Variants in RIF1 observed in about 807,000 individuals in gnomAD.
RIF1 encodes telomere-associated protein RIF1.
RIF1 carries 45 observed loss-of-function variants against 247.1 expected under a neutral mutation model. That is an observed-to-expected ratio of 0.18 (90% CI 0.14 to 0.23). The LOEUF (loss-of-function observed/expected upper bound fraction) is 0.23. Among genes scored for constraint, RIF1 ranks in the 10% least tolerant of loss-of-function variants. The pLI is 1.00. For synonymous variants in RIF1, 1,087 were observed against 978.8 expected (o/e 1.11, Z -2.06); for missense variants, 2,967 against 2,862.5 (o/e 1.04, Z -0.83).
chr2:151,525,924 G>A, the RIF1 span: 2 of 1,525,902 alleles, frequency 1.3e-6, no homozygotes, highest in East Asian at 2.2e-5. Context: ...AAGTGGCATT[G>A]TTGCTGCCAA....
chr2:151,502,720 T>C, intron 11 of RIF1: 1 of 832,350 alleles, frequency 1.2e-6, no homozygotes, highest in South Asian at 1.6e-5. Flanking sequence ...ATTTAGTAAT[T>C]TTACATTTGT....
chr2:151,496,210 T>G (rs985249204), intron 10 of RIF1: 3 of 1,424,678 alleles, frequency 2.1e-6, no homozygotes, highest in African/African-American at 1.4e-5. Context: ...TTAATATGTA[T>G]TATTTTAAAT....
chr2:151,456,626 A>G lies in RIF1; in HGVS notation c.2652+6A>G. The G allele has an allele frequency of 6.8e-7, 1 of 1,474,736 alleles. No homozygotes were observed. Among genetic ancestry groups the G allele is most frequent in the Non-Finnish European group, 9.4e-7 (1 of 1,067,122 alleles). The allele number at this position is 1,474,736 out of a possible 1,614,324, so 91.4% of individuals were successfully genotyped here. ...ATAGTTGTCTGAACAACAAGGTAAA[A>G]ATAGACAATTCTCCATAAACCATAC... On this transcript the variant is annotated splice_donor_region_variant and intron_variant, in intron 23 of 35. Transcript: ENST00000444746.
chr2:151,469,577 A>T, intron 33 of RIF1, 134 bp from the exon 34 acceptor site: 1 of 603,022 alleles, frequency 1.7e-6, no homozygotes, highest in South Asian at 4.8e-5. Flanking sequence ...TTACACATAC[A>T]TGTGCCTGTC....
rs367612410 is a variant in RIF1 at position 151,437,048 on chromosome 2, A to G, written c.1372+45A>G. On this transcript the variant is annotated intron_variant, in intron 12 of 35. Coordinates refer to ENST00000444746, the MANE Select transcript of RIF1 (RefSeq NM_018151.5). ...ATAATTTTAATTACTAAAACAGTCT[A>G]GGACTTAATGCATTGGGGTGAGGAG... 2.0e-5 allele frequency: 30 copies of G among 1,514,640 alleles called. No homozygotes were observed. In the African/African-American group the frequency reaches 3.8e-4, roughly 19 times the overall value. The allele number at this position is 1,514,640 out of a possible 1,614,324, so 93.8% of individuals were successfully genotyped here.
Position 151,481,932 on chromosome 2 carries a change from C to A in RIF1, c.*6861C>A, listed in dbSNP as rs1386677856. 1 of 152,128 alleles carries A rather than the reference C, an allele frequency of 6.6e-6. No homozygotes were observed. The highest frequency in any genetic ancestry group is 1.9e-4 in the East Asian group (1 of 5,200). 9.4% of individuals were successfully genotyped at this position (152,128 alleles called of 1,614,324 possible). On this transcript the variant is annotated 3_prime_UTR_variant, in exon 36 of 36. Coordinates refer to ENST00000444746, the MANE Select transcript of RIF1 (RefSeq NM_018151.5). ...GGAAATTGTCTCCACGAAACCGGTC[C>A]CTGTTGAAAAAAGGTTAGGGGACCA...
chr2:151,415,138 G>T (rs1686961324), intron 4 of RIF1, among the ~76,000 whole-genome samples: 1 of 151,946 alleles, frequency 6.6e-6, no homozygotes, highest in Non-Finnish European at 1.5e-5. Flanking sequence ...ATGAGGTCAG[G>T]AGATCGAGAC....
the RIF1 span, chr2:151,530,912 T>C: frequency 2.3e-6 from 2 of 856,254 alleles, no homozygotes; most frequent in Non-Finnish European, 3.8e-6. Flanking sequence ...TACACAGGAA[T>C]AGATAACTGG....
the RIF1 span, among the ~76,000 whole-genome samples, chr2:151,526,701 TA>T: frequency 6.6e-6 from 1 of 152,198 alleles, no homozygotes. Context: ...TGGTGCAGTA[TA>T]AATCGAGGAC....
At chr2:151,417,996 AAAG>A (rs890534904) in intron 6 of RIF1, among the ~76,000 whole-genome samples, 3 of 152,176 alleles carry the variant, frequency 2.0e-5, no homozygotes, top group African/African-American at 7.2e-5. Flanking sequence ...ATATGATAAA[AAAG>A]ATTAAAAAAT....
chr2:151,474,616 C>T (rs2048833309), intron 35 of RIF1, among the ~76,000 whole-genome samples: 1 of 152,092 alleles, frequency 6.6e-6, no homozygotes, highest in East Asian at 1.9e-4. Context: ...GCAGAGGTTG[C>T]AGTGAGCTGA....
the RIF1 span, among the ~76,000 whole-genome samples, chr2:151,523,162 T>C: frequency 9.0e-4 from 137 of 152,358 alleles, 1 homozygote; most frequent in Non-Finnish European, 1.5e-3. Context: ...TCATTACTCT[T>C]AGAGATTCCA....
chr2:151,466,020 C>T lies in RIF1; in HGVS notation c.6500C>T (p.Thr2167Ile), dbSNP rs1480056391. The part of the protein sequence containing the change: ...SANDSPSGMQ[T>I]RCVWSPLASP... The stretch of plus-strand genomic sequence containing the variant: ...AATGACAGTCCTAGTGGCATGCAGA[C>T]ACGCTGTGTCTGGTCTCCTTTGGCT... Residue 2167 changes from threonine (T) to isoleucine (I), a missense_variant, in exon 30 of 36, where the codon ACA becomes ATA. This residue lies in a region of RIF1 where 2,028 missense variants were observed against 1,825.6 expected (regional missense o/e 1.11). Transcript: ENST00000444746. The T allele has an allele frequency of 5.0e-6, 8 of 1,613,944 alleles. No individual in the cohort carries two copies. Among genetic ancestry groups the T allele is most frequent in the Non-Finnish European group, 6.8e-6 (8 of 1,179,902 alleles).
At chr2:151,444,754 A>G (rs965810536) in intron 18 of RIF1, among the ~76,000 whole-genome samples, 3 of 152,174 alleles carry the variant, frequency 2.0e-5, no homozygotes, top group Admixed American at 6.5e-5. Flanking sequence ...AATGCTGTGT[A>G]TGTATAGTAG....
the RIF1 span, among the ~76,000 whole-genome samples, chr2:151,520,203 A>G: frequency 6.6e-6 from 1 of 152,188 alleles, no homozygotes; most frequent in Admixed American, 6.5e-5. Context: ...TGAAAAATAA[A>G]GAATCTGTTA....
the RIF1 span, chr2:151,516,424 G>T: frequency 7.1e-7 from 1 of 1,412,914 alleles, no homozygotes; most frequent in Admixed American, 1.7e-5. Context: ...TAGTGTGATG[G>T]ATCATTGTTG....
chr2:151,416,332 A>G (rs779227210), intron 4 of RIF1, among the ~76,000 whole-genome samples: 9 of 152,150 alleles, frequency 5.9e-5, no homozygotes, highest in Non-Finnish European at 1.2e-4. Flanking sequence ...GTTGCACAAG[A>G]TATCTGATTT....
rs369380829 is a variant in RIF1, at chr2:151,475,911, G to A, written c.*840G>A. 19 of 152,600 alleles carry A rather than the reference G, an allele frequency of 1.2e-4. No individual in the cohort carries two copies. The highest frequency in any genetic ancestry group is 5.8e-4 in the East Asian group (3 of 5,190). 9.5% of individuals were successfully genotyped at this position (152,600 alleles called of 1,614,324 possible). A position where few individuals can be genotyped will look rare whatever the true frequency, so the allele number is the denominator to read the frequency against. The stretch of plus-strand genomic sequence containing the variant: ...TATTAAATACTGAAATATCAGTATC[G>A]ACGGTGGAAGTGCTTCATGGGCTTG... On this transcript the variant is annotated 3_prime_UTR_variant, in exon 36 of 36. Transcript: ENST00000444746.
Position 151,443,543 on chromosome 2 carries a change from T to C in RIF1, c.1820T>C (p.Leu607Ser), listed in dbSNP as rs759276934. The C allele has an allele frequency of 6.3e-7, 1 of 1,576,396 alleles. No homozygotes were observed. Among genetic ancestry groups the C allele is most frequent in the South Asian group, 1.2e-5 (1 of 83,478 alleles). The stretch of plus-strand genomic sequence containing the variant: ...TTTTTGTTCAGGTTCTTTCTCAGTT[T>C]GGAATCACTTGTAGGCTGTGTTCTT... The part of the protein sequence containing the change: ...GVSDERFFLS[L>S]ESLVGCVLSG... The change falls in exon 18 of 36, where the codon TTG becomes TCG. Residue 607 changes from leucine to serine, a missense_variant. This residue lies in a region of RIF1 where 369 missense variants were observed against 322.0 expected (regional missense o/e 1.15). Transcript: ENST00000444746.
Sources: gnomAD v4.1 joint callset for allele counts (sites outside exome capture counted in the v4.1 genomes callset) on GRCh38, gnomAD v4.1.1 for gene constraint, gnomAD v4.1.1 regional missense constraint, MANE v1.5 for transcripts, NCBI Gene and HGNC (gene_info 2026-07-23, HGNC 2026-07-21) for gene names.